Variants in RPL5 observed in about 807,000 individuals in gnomAD.
RPL5 encodes the protein large ribosomal subunit protein uL18.
Under a neutral mutation model 38.4 loss-of-function variants are expected in RPL5, and 1 was observed. The ratio of observed to expected loss-of-function variants is 0.03; its 90% CI spans 0.01 to 0.12. The LOEUF (loss-of-function observed/expected upper bound fraction) is 0.12, where lower values mean the gene tolerates loss of function less well. Ranked by LOEUF, RPL5 falls within the 10% of genes least tolerant of loss-of-function variation. RPL5 has a pLI of 1.00. For missense variants in RPL5, 243 were observed against 374.1 expected (o/e 0.65, Z 2.89); for synonymous variants, 109 against 121.2 (o/e 0.90, Z 0.66).
rs1338753229 is a variant in RPL5 at position 92,832,089 on chromosome 1, G to T, written c.-26G>T. 2 of 1,614,008 alleles carry T rather than the reference G, an allele frequency of 1.2e-6. No homozygotes were observed. Among genetic ancestry groups the T allele is most frequent in the South Asian group, 2.2e-5 (2 of 91,056 alleles). ...TGGGCCTGCAGGTCTCTGTCGAGCA[G>T]CGGACGCCGGTCTCTGTTCCGCAGG... On this transcript the variant is annotated 5_prime_UTR_variant, in exon 1 of 8. Coordinates refer to ENST00000370321, the MANE Select transcript of RPL5 (RefSeq NM_000969.5).
Position 92,834,921 on chromosome 1 carries a change from C to A in RPL5, c.324+8C>A, listed in dbSNP as rs757380425. The A allele has an allele frequency of 6.2e-7, 1 of 1,600,318 alleles. No homozygotes were observed. Among genetic ancestry groups the A allele is most frequent in the Admixed American group, 1.7e-5 (1 of 60,014 alleles). ...CTGCTGCTGGCCCGCAGGGTATGTACAAGATGATTTTAATTGATGTAGTTT... is the reference window on the plus strand; with the variant it reads ...CTGCTGCTGGCCCGCAGGGTATGTAAAAGATGATTTTAATTGATGTAGTTT... On this transcript the variant is annotated splice_region_variant and intron_variant, in intron 4 of 7. Transcript: ENST00000370321.
chr1:92,832,859 T>C, intron 1 of RPL5: 1 of 611,152 alleles, frequency 1.6e-6, no homozygotes, highest in Non-Finnish European at 2.9e-6. Context: ...TTGTGGCAGG[T>C]AATTTAGGCT....
chr1:92,834,973 G>C, intron 4 of RPL5, 60 bp downstream of exon 4: 1 of 1,596,160 alleles, frequency 6.3e-7, no homozygotes, highest in Non-Finnish European at 8.5e-7. Context: ...AGAGTTTTCT[G>C]CAAGATGTTT....
chr1:92,839,537 G>A (rs577346695), intron 6 of RPL5, among the ~76,000 whole-genome samples: 53 of 152,134 alleles, frequency 3.5e-4, no homozygotes, highest in Non-Finnish European at 5.1e-4. Flanking sequence ...TTAAAGGCCT[G>A]TGAGATAAAG....
At chr1:92,839,748 A>G (rs778110904) in intron 6 of RPL5, among the ~76,000 whole-genome samples, 33 of 152,338 alleles carry the variant, frequency 2.2e-4, no homozygotes, top group South Asian at 8.3e-4. Flanking sequence ...TGAGAAGCGC[A>G]ATATTTGTTT....
chr1:92,832,077 C>A lies in RPL5; in HGVS notation c.-38C>A, dbSNP rs372080902. 1 of 1,613,804 alleles carries A rather than the reference C, an allele frequency of 6.2e-7. No individual in the cohort carries two copies. The highest frequency in any genetic ancestry group is 1.1e-5 in the South Asian group (1 of 91,002). On this transcript the variant is annotated 5_prime_UTR_variant, in exon 1 of 8. Coordinates refer to ENST00000370321, the MANE Select transcript of RPL5 (RefSeq NM_000969.5). ...CCCTAGCGCCGCTGGGCCTGCAGGTCTCTGTCGAGCAGCGGACGCCGGTCT... is the reference window on the plus strand; with the variant it reads ...CCCTAGCGCCGCTGGGCCTGCAGGTATCTGTCGAGCAGCGGACGCCGGTCT...
At chr1:92,835,943 T>C (rs1230040917) in intron 4 of RPL5, among the ~76,000 whole-genome samples, 1 of 152,200 alleles carries the variant, frequency 6.6e-6, no homozygotes, top group Non-Finnish European at 1.5e-5. Context: ...ATAAGTCAAG[T>C]GTGGACATGT....
At chr1:92,834,991 G>A (rs1311786803) in intron 4 of RPL5, 78 bp downstream of exon 4, 3 of 1,584,634 alleles carry the variant, frequency 1.9e-6, no homozygotes, top group Non-Finnish European at 2.6e-6. Flanking sequence ...TTTGTACATG[G>A]ATAAGATAGC....
intron 6 of RPL5, chr1:92,840,164 T>C (rs1013465367): frequency 2.7e-5 from 7 of 258,438 alleles, no homozygotes; most frequent in African/African-American, 4.6e-5. Flanking sequence ...CCACCATTAA[T>C]AATTGCCACC....
chr1:92,840,700 G>A (rs1469070395), intron 7 of RPL5, 61 bp downstream of exon 7: 5 of 1,199,250 alleles, frequency 4.2e-6, no homozygotes, highest in African/African-American at 1.5e-5. Context: ...CCCACGTGGG[G>A]CAGACTGTTG....
chr1:92,835,328 A>G, intron 4 of RPL5: 1 of 297,400 alleles, frequency 3.4e-6, no homozygotes, highest in Non-Finnish European at 6.6e-6. Context: ...TTTTGATAGT[A>G]TGTACCAAGT....
At chr1:92,841,406 T>G (rs1221835993) in intron 7 of RPL5, among the ~76,000 whole-genome samples, 4 of 152,240 alleles carry the variant, frequency 2.6e-5, no homozygotes, top group Non-Finnish European at 4.4e-5. Context: ...CCACATTTCC[T>G]TTATCCATTT....
chr1:92,832,023 T>A, upstream of RPL5: 3 of 1,586,922 alleles, frequency 1.9e-6, no homozygotes, highest in Non-Finnish European at 2.6e-6. Context: ...ATACTGCGCC[T>A]GCGCAAGGGC....
At chr1:92,837,862 T>C (rs562730320) in intron 6 of RPL5, 113 of 541,104 alleles carry the variant, frequency 2.1e-4, no homozygotes, top group Middle Eastern at 5.2e-4. Flanking sequence ...GTAGATGTCA[T>C]TTCTGTAATC....
chr1:92,834,303 G>A (rs1687032025), intron 3 of RPL5, among the ~76,000 whole-genome samples: 1 of 152,206 alleles, frequency 6.6e-6, no homozygotes, highest in South Asian at 2.1e-4. Context: ...ATGTACAAAG[G>A]TGGCTCCCGC....
chr1:92,839,837 T>C (rs1279155138), intron 6 of RPL5, among the ~76,000 whole-genome samples: 1 of 152,002 alleles, frequency 6.6e-6, no homozygotes, highest in Non-Finnish European at 1.5e-5. Flanking sequence ...TTTTTCTTTT[T>C]GTTTTCTTAC....
chr1:92,832,483 G>A (rs1014219826), intron 1 of RPL5, among the ~76,000 whole-genome samples: 1 of 152,220 alleles, frequency 6.6e-6, no homozygotes. Context: ...CGCCAGAATG[G>A]AGGGGGGCTG....
chr1:92,836,617 G>C (rs1242108699), intron 5 of RPL5: 1 of 544,150 alleles, frequency 1.8e-6, no homozygotes, highest in African/African-American at 1.9e-5. Context: ...TTTCGGGCCA[G>C]TTATTGAAAG....
intron 3 of RPL5, 128 bp from the exon 4 acceptor site, chr1:92,834,651 A>G: frequency 8.1e-7 from 1 of 1,239,468 alleles, no homozygotes; most frequent in Non-Finnish European, 1.2e-6. Flanking sequence ...CCCAGCTAAG[A>G]GTCTTAAGCA....
Sources: allele counts gnomAD v4.1 joint callset (sites outside exome capture counted in the v4.1 genomes callset), GRCh38; gene constraint gnomAD v4.1.1; transcripts MANE v1.5; gene names NCBI Gene and HGNC (gene_info 2026-07-23, HGNC 2026-07-21).